The following RNF24 variants were observed in gnomAD, a reference collection of about 807,000 sequenced individuals.
RNF24 encodes ring finger protein 24.
RNF24 carries 14 observed loss-of-function variants against 20.0 expected under a neutral mutation model. That is an observed-to-expected ratio of 0.70 (90% CI 0.46 to 1.10). The LOEUF (loss-of-function observed/expected upper bound fraction) is 1.10, where lower values mean the gene tolerates loss of function less well. RNF24 is among the 50% of genes least tolerant of loss of function. The pLI is 0.00. For missense variants in RNF24, 124 were observed against 177.6 expected, an observed-to-expected ratio of 0.70 and a Z score of 1.71; for synonymous variants, 45 against 61.1, an observed-to-expected ratio of 0.74 and a Z score of 1.23.
chr20:3,973,449 G>C (rs1167230300), intron 1 of RNF24, among the ~76,000 whole-genome samples: 3 of 129,426 alleles, frequency 2.3e-5, no homozygotes, highest in African/African-American at 8.6e-5. Flanking sequence ...AAAAAGCTGA[G>C]TCTTTTCTTT....
intron 1 of RNF24, among the ~76,000 whole-genome samples, chr20:3,973,723 T>C (rs1469581022): frequency 6.6e-6 from 1 of 152,112 alleles, no homozygotes; most frequent in African/African-American, 2.4e-5. Flanking sequence ...AACAGTTTTA[T>C]AACTATCAAA....
At position 3,931,045 on chromosome 20, in the gene RNF24, T is replaced by C. The variant is rs1306387357; in HGVS notation, c.*3018A>G. On this transcript the variant is annotated 3_prime_UTR_variant, in exon 6 of 6. Transcript: ENST00000358395. ...ATGTCAACTTCCTAGTGTCTGATACTGACCCAACCAGGAATCAAGTCAGGC... is the reference window on the plus strand; with the variant it reads ...ATGTCAACTTCCTAGTGTCTGATACCGACCCAACCAGGAATCAAGTCAGGC... 1 of 152,284 alleles carries C rather than the reference T, an allele frequency of 6.6e-6. No homozygotes were observed. The highest frequency in any genetic ancestry group is 6.5e-5 in the Admixed American group (1 of 15,284). The allele number at this position is 152,284 out of a possible 1,614,324, so 9.4% of individuals were successfully genotyped here.
At chr20:3,964,468 T>C (rs2091237203) in intron 1 of RNF24, among the ~76,000 whole-genome samples, 1 of 152,166 alleles carries the variant, frequency 6.6e-6, no homozygotes, top group Non-Finnish European at 1.5e-5. Context: ...GGAAATATGA[T>C]TAATTATATA....
In RNF24 at chr20:3,929,186, G is replaced by C. The variant is rs914913504; in HGVS notation, c.*4877C>G. ...ATTTTCTTTTCAAAGTGTGTGCACA[G>C]AGTGAGGAGGCCAGCCTGGGCAACA... On this transcript the variant is annotated 3_prime_UTR_variant, in exon 6 of 6. Transcript: ENST00000358395. 6.6e-6 allele frequency: 1 copy of C among 152,198 alleles called. No homozygotes were observed. The highest frequency in any genetic ancestry group is 1.5e-5 in the Non-Finnish European group (1 of 68,074). 9.4% of individuals were successfully genotyped at this position (152,198 alleles called of 1,614,324 possible).
At chr20:3,988,462 T>C (rs1980126231) in intron 1 of RNF24, among the ~76,000 whole-genome samples, 1 of 148,030 alleles carries the variant, frequency 6.8e-6, no homozygotes, top group Non-Finnish European at 1.5e-5. Flanking sequence ...AAACTCTTTT[T>C]TTTTTTTTTT....
At chr20:3,980,625 T>G (rs1043955090) in intron 1 of RNF24, among the ~76,000 whole-genome samples, 3 of 152,168 alleles carry the variant, frequency 2.0e-5, no homozygotes, top group Non-Finnish European at 2.9e-5. Flanking sequence ...GTAAACTGAT[T>G]CAGAGTATAC....
intron 4 of RNF24, among the ~76,000 whole-genome samples, chr20:3,939,955 C>T (rs746923136): frequency 5.3e-5 from 8 of 151,598 alleles, no homozygotes; most frequent in Non-Finnish European, 1.0e-4. Context: ...CTATTACAAA[C>T]GAAAAAAAAA....
intron 1 of RNF24, among the ~76,000 whole-genome samples, chr20:3,980,735 C>T (rs1979309281): frequency 6.6e-6 from 1 of 152,168 alleles, no homozygotes; most frequent in African/African-American, 2.4e-5. Context: ...CTCAAGGCCT[C>T]TGGACTGAAT....
intron 1 of RNF24, among the ~76,000 whole-genome samples, chr20:3,975,771 T>G (rs953919136): frequency 1.3e-5 from 2 of 152,024 alleles, no homozygotes; most frequent in Non-Finnish European, 2.9e-5. Flanking sequence ...GAGAGAATGC[T>G]GAGTGATATA....
chr20:3,945,646 C>T (rs1018956638), intron 3 of RNF24, among the ~76,000 whole-genome samples: 6 of 148,106 alleles, frequency 4.1e-5, no homozygotes, highest in South Asian at 2.1e-4. Context: ...ACCCAGGAGG[C>T]GGAAGTTGCA....
intron 1 of RNF24, among the ~76,000 whole-genome samples, chr20:4,005,334 G>A (rs1158317282): frequency 6.6e-6 from 1 of 152,034 alleles, no homozygotes; most frequent in Non-Finnish European, 1.5e-5. Flanking sequence ...TTGATATACT[G>A]TTCTGTGATT....
chr20:3,943,448 T>C (rs2090981187), intron 4 of RNF24, among the ~76,000 whole-genome samples: 1 of 152,156 alleles, frequency 6.6e-6, no homozygotes, highest in African/African-American at 2.4e-5. Flanking sequence ...TATAAAGCTA[T>C]TAATAATCAA....
chr20:4,010,366 C>T (rs1214844596), intron 1 of RNF24, among the ~76,000 whole-genome samples: 1 of 152,152 alleles, frequency 6.6e-6, no homozygotes, highest in African/African-American at 2.4e-5. Flanking sequence ...GAGTGAGACT[C>T]CATCTCAAAA....
intron 3 of RNF24, 31 bp downstream of exon 3, chr20:3,948,206 A>G: frequency 6.5e-7 from 1 of 1,545,216 alleles, no homozygotes; most frequent in Non-Finnish European, 8.8e-7. Context: ...GGAAAAAAAA[A>G]ATCAAAGCCA....
intron 2 of RNF24, among the ~76,000 whole-genome samples, chr20:3,958,309 A>G (rs2091164942): frequency 6.6e-6 from 1 of 152,120 alleles, no homozygotes; most frequent in Non-Finnish European, 1.5e-5. Flanking sequence ...CAAAATCTCT[A>G]TCTTACAAAA....
chr20:3,998,796 C>A (rs984857441), intron 1 of RNF24, among the ~76,000 whole-genome samples: 1 of 149,676 alleles, frequency 6.7e-6, no homozygotes, highest in South Asian at 2.1e-4. Context: ...TAATGTAACA[C>A]GTGACTGGGT....
At chr20:3,956,437 G>A (rs1410991138) in intron 2 of RNF24, among the ~76,000 whole-genome samples, 2 of 151,152 alleles carry the variant, frequency 1.3e-5, no homozygotes, top group African/African-American at 4.8e-5. Context: ...TTTCATTAGT[G>A]ATATTAGTAA....
chr20:3,937,622 C>CA, intron 4 of RNF24, among the ~76,000 whole-genome samples: 1 of 151,678 alleles, frequency 6.6e-6, no homozygotes, highest in East Asian at 1.9e-4. Flanking sequence ...CCCCTTTCCC[C>CA]AATCTCTGGC....
Position 3,974,505 on chromosome 20 carries a change from T to A in RNF24, c.-7-10481A>T, listed in dbSNP as rs1343767530. 4 of 1,138,356 alleles carry A rather than the reference T, an allele frequency of 3.5e-6. No individual in the cohort carries two copies. The Admixed American group carries it at 1.4e-4, about 41-fold the overall frequency. 70.5% of individuals were successfully genotyped at this position (1,138,356 alleles called of 1,614,324 possible). On this transcript the variant is annotated intron_variant, in intron 1 of 5. Transcript: ENST00000358395. Reference sequence around the variant, plus strand: ...CACATCAACATCTACAACAACAAAATCCCAAAGAATCTTCAAAAAAATTTC... The same window carrying A: ...CACATCAACATCTACAACAACAAAAACCCAAAGAATCTTCAAAAAAATTTC...
Sources: gnomAD v4.1 joint callset for allele counts (sites outside exome capture counted in the v4.1 genomes callset) on GRCh38, gnomAD v4.1.1 for gene constraint, MANE v1.5 for transcripts, NCBI Gene and HGNC (gene_info 2026-07-23, HGNC 2026-07-21) for gene names.